The following ULK4 variants were observed in gnomAD, a reference collection of about 807,000 sequenced individuals.
ULK4 encodes unc-51 like kinase 4.
In ULK4, 133 loss-of-function variants were observed where a neutral mutation model predicts 160.6. That is an observed-to-expected ratio of 0.83 (90% CI 0.72 to 0.96). ULK4 has a LOEUF of 0.96. ULK4 is among the 40% of genes least tolerant of loss of function. The pLI is 0.00. For missense variants in ULK4, 1,580 were observed against 1,499.5 expected (o/e 1.05, Z -0.89); for synonymous variants, 534 against 539.8 (o/e 0.99, Z 0.15).
At chr3:41,823,297 G>T (rs2041211699) in intron 18 of ULK4, among the ~76,000 whole-genome samples, 1 of 152,268 alleles carries the variant, frequency 6.6e-6, no homozygotes, top group South Asian at 2.1e-4. Flanking sequence ...ACTGTGGGGA[G>T]GTCAGTATAG....
At chr3:41,794,011 T>C (rs532818127) in intron 20 of ULK4, among the ~76,000 whole-genome samples, 8 of 152,374 alleles carry the variant, frequency 5.3e-5, no homozygotes, top group African/African-American at 1.9e-4. Context: ...TAGAGATTAC[T>C]GGCCTCTCCC....
chr3:41,829,971 A>C (rs570189646), intron 18 of ULK4, among the ~76,000 whole-genome samples: 1 of 151,918 alleles, frequency 6.6e-6, no homozygotes, highest in Admixed American at 6.6e-5. Context: ...CAGCCATAAA[A>C]AATGATGAGT....
intron 30 of ULK4, among the ~76,000 whole-genome samples, chr3:41,616,708 G>A (rs1051756777): frequency 2.6e-5 from 4 of 152,190 alleles, no homozygotes; most frequent in Non-Finnish European, 4.4e-5. Flanking sequence ...GAGGCTGTTT[G>A]GGCATTCACC....
At position 41,378,471 on chromosome 3, in the gene ULK4, T is replaced by C. The variant is rs950555588; in HGVS notation, c.3678+19608A>G. Among the ~76,000 whole-genome samples, 47 of 150,986 alleles carry C rather than the reference T, an allele frequency of 3.1e-4. No individual in the cohort carries two copies. In the East Asian group the frequency reaches 9.0e-3, roughly 29 times the overall value. ...GCAGCCATAAAAAAGGATGAGTTCA[T>C]GTCCTTTGTAGGGACACGGATGAAG... On this transcript the variant is annotated intron_variant, in intron 35 of 36. Transcript: ENST00000301831.
At chr3:41,382,271 CCA>C (rs748187640) in intron 35 of ULK4, among the ~76,000 whole-genome samples, 298 of 152,248 alleles carry the variant, frequency 2.0e-3, no homozygotes, top group East Asian at 3.5e-3. Context: ...TGCTGTATCC[CCA>C]ACATTGAGAA....
chr3:41,410,283 C>T (rs2125826550), intron 34 of ULK4, among the ~76,000 whole-genome samples: 1 of 152,212 alleles, frequency 6.6e-6, no homozygotes, highest in Middle Eastern at 3.4e-3. Flanking sequence ...CTGAAATGTC[C>T]ATCAACTGAT....
intron 32 of ULK4, among the ~76,000 whole-genome samples, chr3:41,522,003 G>A (rs1329288886): frequency 1.3e-5 from 2 of 152,040 alleles, no homozygotes; most frequent in African/African-American, 4.8e-5. Flanking sequence ...TTTATAGGAT[G>A]CACAATTCAT....
intron 22 of ULK4, among the ~76,000 whole-genome samples, chr3:41,751,680 G>A (rs151270902): frequency 6.6e-6 from 1 of 152,350 alleles, no homozygotes; most frequent in East Asian, 1.9e-4. Context: ...GAAGGTGTAA[G>A]TGGTTTAGTT....
intron 2 of ULK4, among the ~76,000 whole-genome samples, chr3:41,951,212 G>A (rs1394225808): frequency 6.9e-6 from 1 of 144,250 alleles, no homozygotes; most frequent in Non-Finnish European, 1.5e-5. Context: ...TGAATTAGAA[G>A]GCAATTTTCA....
intron 18 of ULK4, among the ~76,000 whole-genome samples, chr3:41,831,214 C>T (rs1271031974): frequency 1.3e-5 from 2 of 151,538 alleles, no homozygotes; most frequent in East Asian, 1.9e-4. Flanking sequence ...GTTTTTTAGA[C>T]GAGGTTTCAC....
chr3:41,841,777 A>G (rs570908375), intron 17 of ULK4, among the ~76,000 whole-genome samples: 1 of 152,348 alleles, frequency 6.6e-6, no homozygotes, highest in South Asian at 2.1e-4. Flanking sequence ...AGGAGATACC[A>G]TTTTGTTCTG....
chr3:41,566,360 T>A (rs974179707), intron 31 of ULK4, among the ~76,000 whole-genome samples: 1 of 152,170 alleles, frequency 6.6e-6, no homozygotes, highest in Non-Finnish European at 1.5e-5. Context: ...CAGCACAGAC[T>A]TCCCTGCCCA....
At chr3:41,551,721 C>T (rs1219880290) in intron 32 of ULK4, among the ~76,000 whole-genome samples, 3 of 151,758 alleles carry the variant, frequency 2.0e-5, no homozygotes, top group Non-Finnish European at 4.4e-5. Context: ...AATTCTCCAC[C>T]AAATATTGCA....
At chr3:41,452,867 C>T (rs965442781) in intron 34 of ULK4, among the ~76,000 whole-genome samples, 1 of 152,190 alleles carries the variant, frequency 6.6e-6, no homozygotes, top group Admixed American at 6.5e-5. Flanking sequence ...AACAGAATGG[C>T]TTTTGAATCA....
chr3:41,930,956 C>T (rs1017017284), intron 5 of ULK4, among the ~76,000 whole-genome samples: 1 of 152,188 alleles, frequency 6.6e-6, no homozygotes, highest in Admixed American at 6.5e-5. Context: ...AGAAATACCA[C>T]TTGACCCAGC....
At chr3:41,913,505 G>A (rs1183842382) in intron 8 of ULK4, among the ~76,000 whole-genome samples, 1 of 152,144 alleles carries the variant, frequency 6.6e-6, no homozygotes, top group Non-Finnish European at 1.5e-5. Context: ...GATTACTGGC[G>A]TGAGCCACCG....
intron 4 of ULK4, among the ~76,000 whole-genome samples, chr3:41,932,731 G>C (rs73069293): frequency 0.043 from 6,475 of 152,230 alleles, 177 homozygotes; most frequent in Middle Eastern, 0.061. Context: ...CAATGGGTCA[G>C]GTGGCTTTGT....
In ULK4 at chr3:41,809,351, G is replaced by T. The variant is rs148667055; in HGVS notation, c.1849-9058C>A. 8.7e-3 allele frequency among the ~76,000 whole-genome samples: 1,298 copies of T among 149,124 alleles called. 70 individuals carry two copies. The highest frequency in any genetic ancestry group is 0.078 in the Admixed American group (1,172 of 15,068). On this transcript the variant is annotated intron_variant, in intron 19 of 36. Transcript: ENST00000301831. ...GAAAATCCTATGTTCTTGGTTCAAT[G>T]AATTACTAAAACAATAAAATATGTT...
At chr3:41,505,495 G>T (rs938751699) in intron 32 of ULK4, among the ~76,000 whole-genome samples, 1 of 152,056 alleles carries the variant, frequency 6.6e-6, no homozygotes, top group Admixed American at 6.6e-5. Flanking sequence ...CATGTCCTAT[G>T]AATATCCTAA....
Sources: gnomAD v4.1 joint callset for allele counts (sites outside exome capture counted in the v4.1 genomes callset) on GRCh38, gnomAD v4.1.1 for gene constraint, MANE v1.5 for transcripts, NCBI Gene and HGNC (gene_info 2026-07-23, HGNC 2026-07-21) for gene names.